ZNF585A: variants seen among roughly 807,000 people sequenced by gnomAD.
The protein encoded by ZNF585A is zinc finger protein 585A.
A neutral mutation model predicts 14.9 loss-of-function variants in ZNF585A; 9 were observed. The observed-to-expected ratio is 0.60, with a 90% confidence interval of 0.36 to 1.05. The LOEUF (loss-of-function observed/expected upper bound fraction) is 1.05, where lower values mean the gene tolerates loss of function less well. ZNF585A is among the 50% of genes least tolerant of loss of function. The pLI is 0.01. For synonymous variants in ZNF585A, 276 were observed against 319.9 expected, an observed-to-expected ratio of 0.86 and a Z score of 1.46; for missense variants, 726 against 926.4, an observed-to-expected ratio of 0.78 and a Z score of 2.81.
In ZNF585A at chr19:37,147,285, G is replaced by A. The variant is rs1225492314; in HGVS notation, c.*4304C>T. On this transcript the variant is annotated 3_prime_UTR_variant, in exon 5 of 5. Transcript: ENST00000292841. ...AAGATGGGGATGGAGGCACTGCAAA[G>A]GTGGAAGAGGAAAGCAAGATGCACG... 1 of 152,308 alleles carries A rather than the reference G, an allele frequency of 6.6e-6. No homozygotes were observed. The highest frequency in any genetic ancestry group is 2.4e-5 in the African/African-American group (1 of 41,436). 9.4% of individuals were successfully genotyped at this position (152,308 alleles called of 1,614,324 possible).
Position 37,153,553 on chromosome 19 carries a change from C to G in ZNF585A, c.346G>C (p.Val116Leu). 6.2e-7 allele frequency: 1 copy of G among 1,613,962 alleles called. No homozygotes were observed. The highest frequency in any genetic ancestry group is 1.1e-5 in the South Asian group (1 of 91,078). ...QCRKILSYKQ[V>L]SSQPQKMYPG... ...TACATTTTTTGAGGTTGAGAGGATA[C>G]TTGTTTATAACTGAGGATTTTTCTA... The change falls in exon 5 of 5, where the codon GTA becomes CTA. Residue 116 changes from valine (V) to leucine (L), a missense_variant. By Grantham distance (32) the Val-to-Leu change is conservative (BLOSUM62 1). Coordinates refer to ENST00000292841, the MANE Select transcript of ZNF585A (RefSeq NM_001288800.2).
rs190641090 is a variant in ZNF585A at position 37,160,485 on chromosome 19, A to G, written c.73-4130T>C. ...AAAACTGAAAACAAAAGATAGAGAG[A>G]AAAATCACTGTAACACAATCCAGTT... On this transcript the variant is annotated intron_variant, in intron 2 of 4. Transcript: ENST00000292841. 3.3e-3 allele frequency among the ~76,000 whole-genome samples: 497 copies of G among 152,038 alleles called. 3 individuals carry two copies. Among genetic ancestry groups the G allele is most frequent in the African/African-American group, 0.012 (479 of 41,556 alleles).
chr19:37,165,192 T>C (rs1485058811), intron 2 of ZNF585A, among the ~76,000 whole-genome samples: 2 of 151,996 alleles, frequency 1.3e-5, no homozygotes, highest in Non-Finnish European at 2.9e-5. Context: ...ACCCCGTGTC[T>C]ACTAAAAAAA....
At chr19:37,161,508 C>T (rs1413187421) in intron 2 of ZNF585A, among the ~76,000 whole-genome samples, 2 of 152,142 alleles carry the variant, frequency 1.3e-5, no homozygotes, top group Non-Finnish European at 1.5e-5. Context: ...CTGAACAACA[C>T]AGGTTTGAAC....
chr19:37,168,804 CCAAA>C (rs1366456855), intron 2 of ZNF585A, among the ~76,000 whole-genome samples: 2 of 152,108 alleles, frequency 1.3e-5, no homozygotes, highest in African/African-American at 4.8e-5. Context: ...CTGTATTTTA[CCAAA>C]CAAATATTTA....
At position 37,155,854 on chromosome 19, in the gene ZNF585A, G is replaced by T. The variant is rs756012395; in HGVS notation, c.292+11C>A. 1.2e-6 allele frequency: 2 copies of T among 1,611,904 alleles called. No homozygotes were observed. Among genetic ancestry groups the T allele is most frequent in the Non-Finnish European group, 1.7e-6 (2 of 1,179,916 alleles). On this transcript the variant is annotated intron_variant, in intron 4 of 4. Transcript: ENST00000292841. ...TCTCCCATCTACCGGATTCACACTCGCTTCACTCACCTGGGCAGCTCTGAC... is the reference window on the plus strand; with the variant it reads ...TCTCCCATCTACCGGATTCACACTCTCTTCACTCACCTGGGCAGCTCTGAC...
chr19:37,147,563 G>T lies in ZNF585A; in HGVS notation c.*4026C>A, dbSNP rs1971758682. The T allele has an allele frequency of 6.6e-6, 1 of 151,846 alleles. No homozygotes were observed. Among genetic ancestry groups the T allele is most frequent in the South Asian group, 2.1e-4 (1 of 4,824 alleles). 9.4% of individuals were successfully genotyped at this position (151,846 alleles called of 1,614,324 possible). ...TTTGATATGTAAAATATTAAAATTA[G>T]GTAATCATATAAAATAAAACATATA... On this transcript the variant is annotated 3_prime_UTR_variant, in exon 5 of 5. Coordinates refer to ENST00000292841, the MANE Select transcript of ZNF585A (RefSeq NM_001288800.2).
At chr19:37,156,505 A>G (rs1303851331) in intron 2 of ZNF585A, 150 bp from the exon 3 acceptor site, 1 of 1,115,494 alleles carries the variant, frequency 9.0e-7, no homozygotes, top group Admixed American at 3.1e-5. Context: ...TTTATTATGA[A>G]AATTTTCAAA....
In ZNF585A at chr19:37,152,199, A is replaced by G. The variant is rs763683325; in HGVS notation, c.1700T>C (p.Val567Ala). The change falls in exon 5 of 5, where the codon GTT (valine) becomes GCT (alanine). Residue 567 changes from valine to alanine, a missense_variant. Coordinates refer to ENST00000292841, the MANE Select transcript of ZNF585A (RefSeq NM_001288800.2). ...CTCTCCTGTATGAATTTTCTGATGA[A>G]CAATGAGTATTGATTTCTGGTTGAA... ...KAFNQKSILI[V>A]HQKIHTGEKP... 5.6e-6 allele frequency: 9 copies of G among 1,613,196 alleles called. No individual in the cohort carries two copies. The highest frequency in any genetic ancestry group is 7.6e-6 in the Non-Finnish European group (9 of 1,179,560).
intron 2 of ZNF585A, among the ~76,000 whole-genome samples, chr19:37,157,123 T>A (rs145820310): frequency 1.3e-5 from 2 of 152,366 alleles, no homozygotes; most frequent in African/African-American, 4.8e-5. Context: ...TGTGTACACC[T>A]GTATAATCCA....
At chr19:37,168,910 T>C (rs1290632732) in intron 2 of ZNF585A, among the ~76,000 whole-genome samples, 1 of 152,204 alleles carries the variant, frequency 6.6e-6, no homozygotes, top group Non-Finnish European at 1.5e-5. Context: ...TTTATAGAAC[T>C]AAGCAATCAA....
chr19:37,167,832 A>T (rs544427276), intron 2 of ZNF585A, among the ~76,000 whole-genome samples: 1 of 152,000 alleles, frequency 6.6e-6, no homozygotes. Flanking sequence ...GAGTTTCACC[A>T]TGTTAGCCAG....
At position 37,169,969 on chromosome 19, in the gene ZNF585A, T is replaced by C; in HGVS notation, c.-59A>G. On this transcript the variant is annotated 5_prime_UTR_variant, in exon 2 of 5. Transcript: ENST00000292841. ...GTGTCTGAAGCTTGGCAGTCATCTGTGAACTCAAGCAGAGCTGCTCTGAAG... is the reference window on the plus strand; with the variant it reads ...GTGTCTGAAGCTTGGCAGTCATCTGCGAACTCAAGCAGAGCTGCTCTGAAG... The C allele has an allele frequency of 6.3e-7, 1 of 1,577,126 alleles. No homozygotes were observed. Among genetic ancestry groups the C allele is most frequent in the Non-Finnish European group, 8.6e-7 (1 of 1,164,956 alleles).
Position 37,150,873 on chromosome 19 carries a change from C to T in ZNF585A, c.*716G>A, listed in dbSNP as rs1160075541. ...TTGAAGGTGATGGGAGTTCACAAGA[C>T]ACGGTGCTGGGGGTCAAAACACAAA... On this transcript the variant is annotated 3_prime_UTR_variant, in exon 5 of 5. Coordinates refer to ENST00000292841, the MANE Select transcript of ZNF585A (RefSeq NM_001288800.2). The T allele has an allele frequency of 1.3e-5, 2 of 155,084 alleles. No individual in the cohort carries two copies. Among genetic ancestry groups the T allele is most frequent in the African/African-American group, 4.8e-5 (2 of 41,468 alleles). 9.6% of individuals were successfully genotyped at this position (155,084 alleles called of 1,614,324 possible).
rs766541187 is a variant in ZNF585A at position 37,156,348 on chromosome 19, A to G, written c.80T>C (p.Val27Ala). Residue 27 changes from valine (V) to alanine (A), a missense_variant, in exon 3 of 5, where the codon GTG becomes GCG. Physicochemically the swap from Val to Ala is moderately conservative, Grantham distance 64. Around this residue, in one of 2 missense-constraint regions of ZNF585A, gnomAD observed 483 missense variants for 542.8 expected, o/e 0.89. Transcript: ENST00000292841. ...EDHGSSYEGS[V>A]SFRDVAIDFS... ...ATCGATAGCCACATCCCTGAAGGAC[A>G]CTGATCCCTGTAAGGGCAAATTCTT... 6.2e-7 allele frequency: 1 copy of G among 1,614,136 alleles called. No individual in the cohort carries two copies. The highest frequency in any genetic ancestry group is 1.1e-5 in the South Asian group (1 of 91,058).
At position 37,156,494 on chromosome 19, in the gene ZNF585A, C is replaced by T. The variant is rs537241350; in HGVS notation, c.73-139G>A. On this transcript the variant is annotated intron_variant, in intron 2 of 4. Coordinates refer to ENST00000292841, the MANE Select transcript of ZNF585A (RefSeq NM_001288800.2). ...AAAACTCACTCCCATTTCTCTAATA[C>T]TTTATTATGAAAATTTTCAAACATA... 4 of 1,192,468 alleles carry T rather than the reference C, an allele frequency of 3.4e-6. No homozygotes were observed. The African/African-American group carries it at 6.1e-5, about 18-fold the overall frequency. 73.9% of individuals were successfully genotyped at this position (1,192,468 alleles called of 1,614,324 possible). A position where few individuals can be genotyped will look rare whatever the true frequency, so the allele number is the denominator to read the frequency against.
At position 37,167,388 on chromosome 19, in the gene ZNF585A, T is replaced by A. The variant is rs1392339056; in HGVS notation, c.72+2451A>T. On this transcript the variant is annotated intron_variant, in intron 2 of 4. Transcript: ENST00000292841. ...CGGAGTTTCACCATGTTGGCCAGGC[T>A]GGTCTCGAACTCCTGACCTCATGAT... 2.6e-5 allele frequency among the ~76,000 whole-genome samples: 4 copies of A among 152,050 alleles called. No homozygotes were observed. In the East Asian group the frequency reaches 7.8e-4, roughly 30 times the overall value.
At chr19:37,155,314 G>T (rs932435979) in intron 4 of ZNF585A, among the ~76,000 whole-genome samples, 2 of 151,818 alleles carry the variant, frequency 1.3e-5, no homozygotes, top group East Asian at 3.9e-4. Flanking sequence ...GAGGGAGACT[G>T]GCACATGATT....
chr19:37,161,947 G>A (rs1229509596), intron 2 of ZNF585A, among the ~76,000 whole-genome samples: 4 of 152,044 alleles, frequency 2.6e-5, no homozygotes, highest in African/African-American at 7.2e-5. Flanking sequence ...TTTTTGAGAT[G>A]GAGTTTCACT....
Sources: gnomAD v4.1 joint callset for allele counts (sites outside exome capture counted in the v4.1 genomes callset) on GRCh38, gnomAD v4.1.1 for gene constraint, gnomAD v4.1.1 regional missense constraint, MANE v1.5 for transcripts, NCBI Gene and HGNC (gene_info 2026-07-23, HGNC 2026-07-21) for gene names.